The following MARCHF1 variants were observed in gnomAD, a reference collection of about 807,000 sequenced individuals.
MARCHF1 encodes E3 ubiquitin-protein ligase MARCHF1.
A neutral mutation model predicts 54.2 loss-of-function variants in MARCHF1; 40 were observed. The ratio of observed to expected loss-of-function variants is 0.74; its 90% CI spans 0.57 to 0.96. MARCHF1 has a LOEUF of 0.96. Among genes scored for constraint, MARCHF1 ranks in the 40% least tolerant of loss-of-function variants. The pLI is 0.00. For missense variants in MARCHF1, 586 were observed against 656.5 expected (o/e 0.89, Z 1.17); for synonymous variants, 236 against 236.3 (o/e 1.00, Z 0.01).
At chr4:164,172,123 C>T (rs1730542166) in intron 1 of MARCHF1, among the ~76,000 whole-genome samples, 1 of 152,088 alleles carries the variant, frequency 6.6e-6, no homozygotes, top group Admixed American at 6.5e-5. Flanking sequence ...CTTGGCTACC[C>T]CTCATTTTCT....
At chr4:164,059,823 T>C (rs554822368) in intron 2 of MARCHF1, among the ~76,000 whole-genome samples, 2 of 152,156 alleles carry the variant, frequency 1.3e-5, no homozygotes, top group African/African-American at 4.8e-5. Flanking sequence ...TTGAAATGAA[T>C]AAATATTTGA....
intron 4 of MARCHF1, among the ~76,000 whole-genome samples, chr4:163,761,517 G>A (rs1003599243): frequency 8.6e-6 from 1 of 115,820 alleles, no homozygotes; most frequent in Non-Finnish European, 1.9e-5. Flanking sequence ...TGAATATTAA[G>A]TGGAAGAAGT....
intron 4 of MARCHF1, among the ~76,000 whole-genome samples, chr4:163,845,446 C>T (rs1341956184): frequency 7.3e-6 from 1 of 137,146 alleles, no homozygotes. Context: ...TGGGGAGAGA[C>T]AATGCACCTC....
chr4:163,682,052 G>C (rs1458495786), intron 5 of MARCHF1, among the ~76,000 whole-genome samples: 1 of 152,190 alleles, frequency 6.6e-6, no homozygotes, highest in East Asian at 1.9e-4. Flanking sequence ...TAGTGATATG[G>C]ACAATGAAAT....
intron 2 of MARCHF1, among the ~76,000 whole-genome samples, chr4:164,025,449 A>C (rs1248489462): frequency 6.6e-6 from 1 of 152,162 alleles, no homozygotes; most frequent in Non-Finnish European, 1.5e-5. Flanking sequence ...CCAAAACTAC[A>C]CAAGCACATA....
intron 7 of MARCHF1, among the ~76,000 whole-genome samples, chr4:163,589,730 C>T (rs1424666324): frequency 2.0e-5 from 3 of 151,998 alleles, no homozygotes; most frequent in Admixed American, 6.6e-5. Flanking sequence ...AAATTGATTT[C>T]AATAATGTAA....
At position 163,696,570 on chromosome 4, in the gene MARCHF1, T is replaced by C. The variant is rs1487099392; in HGVS notation, c.162+4243A>G. On this transcript the variant is annotated intron_variant, in intron 5 of 9. Coordinates refer to ENST00000514618, the MANE Select transcript of MARCHF1 (RefSeq NM_001394959.1). ...ACTCATTGAGCTTGACAGTCTCACATAGATTGAGATTGTATGACCTTTATG... is the reference window on the plus strand; with the variant it reads ...ACTCATTGAGCTTGACAGTCTCACACAGATTGAGATTGTATGACCTTTATG... 3.3e-5 allele frequency among the ~76,000 whole-genome samples: 5 copies of C among 152,288 alleles called. No homozygotes were observed. The South Asian group carries it at 6.2e-4, about 19-fold the overall frequency.
At chr4:164,039,247 A>G (rs1481170775) in intron 2 of MARCHF1, among the ~76,000 whole-genome samples, 5 of 152,220 alleles carry the variant, frequency 3.3e-5, no homozygotes, top group Non-Finnish European at 7.3e-5. Flanking sequence ...AGATGTTTCA[A>G]AAACAATAAT....
chr4:164,344,921 T>C (rs1249191105), intron 1 of MARCHF1, among the ~76,000 whole-genome samples: 1 of 152,188 alleles, frequency 6.6e-6, no homozygotes, highest in Non-Finnish European at 1.5e-5. Context: ...CCAAAATCAA[T>C]TCATTCATAG....
chr4:163,780,268 G>T (rs979379917), intron 4 of MARCHF1, among the ~76,000 whole-genome samples: 1 of 152,172 alleles, frequency 6.6e-6, no homozygotes, highest in Non-Finnish European at 1.5e-5. Context: ...TGTGACAATA[G>T]AAAGAAAAGG....
At chr4:163,832,494 T>A (rs895436486) in intron 4 of MARCHF1, among the ~76,000 whole-genome samples, 6 of 152,042 alleles carry the variant, frequency 3.9e-5, no homozygotes, top group African/African-American at 1.4e-4. Flanking sequence ...TATAACTCAT[T>A]TAGCAAAACT....
intron 1 of MARCHF1, among the ~76,000 whole-genome samples, chr4:164,360,278 G>A (rs543302317): frequency 6.6e-6 from 1 of 152,220 alleles, no homozygotes; most frequent in East Asian, 1.9e-4. Context: ...GCTATCTTGC[G>A]AGGTTTCCCA....
At chr4:163,971,275 T>C (rs1752542169) in intron 3 of MARCHF1, among the ~76,000 whole-genome samples, 1 of 152,118 alleles carries the variant, frequency 6.6e-6, no homozygotes, top group Non-Finnish European at 1.5e-5. Flanking sequence ...TTCAGACAAA[T>C]GGTAGAGCCA....
intron 2 of MARCHF1, among the ~76,000 whole-genome samples, chr4:164,015,373 C>A (rs1037811974): frequency 2.6e-5 from 4 of 152,038 alleles, no homozygotes; most frequent in Non-Finnish European, 5.9e-5. Flanking sequence ...ACTAGGGTAA[C>A]ACTCCAGGAC....
intron 8 of MARCHF1, among the ~76,000 whole-genome samples, chr4:163,558,184 C>T (rs917158312): frequency 4.6e-5 from 7 of 152,038 alleles, no homozygotes; most frequent in Admixed American, 3.3e-4. Context: ...TGAGGACCCC[C>T]GATTATCATC....
chr4:163,588,413 T>C (rs1740479439), intron 7 of MARCHF1, among the ~76,000 whole-genome samples: 1 of 152,138 alleles, frequency 6.6e-6, no homozygotes, highest in African/African-American at 2.4e-5. Flanking sequence ...TTGAATAGAA[T>C]TGAATTCAGT....
intron 8 of MARCHF1, among the ~76,000 whole-genome samples, chr4:163,582,207 T>G (rs569993073): frequency 1.3e-5 from 2 of 152,322 alleles, no homozygotes; most frequent in African/African-American, 4.8e-5. Flanking sequence ...TCTTTATGTG[T>G]GACATTTTGA....
intron 1 of MARCHF1, among the ~76,000 whole-genome samples, chr4:164,331,600 G>A (rs1250718458): frequency 6.6e-6 from 1 of 152,084 alleles, no homozygotes. Flanking sequence ...GTCTTAACAC[G>A]TTGTTTTATA....
At chr4:163,939,642 G>A (rs563138038) in intron 3 of MARCHF1, among the ~76,000 whole-genome samples, 1 of 152,234 alleles carries the variant, frequency 6.6e-6, no homozygotes, top group East Asian at 1.9e-4. Flanking sequence ...TGACAAATAT[G>A]TTTATCTCTT....
Sources: allele counts gnomAD v4.1 joint callset (sites outside exome capture counted in the v4.1 genomes callset), GRCh38; gene constraint gnomAD v4.1.1; transcripts MANE v1.5; gene names NCBI Gene and HGNC (gene_info 2026-07-23, HGNC 2026-07-21).